RANBP10: variants seen among roughly 807,000 people sequenced by gnomAD.
RANBP10 encodes RAN binding protein 10.
Under a neutral mutation model 72.8 loss-of-function variants are expected in RANBP10, and 24 were observed. That is an observed-to-expected ratio of 0.33 (90% confidence interval 0.24 to 0.46). RANBP10 has a LOEUF of 0.46. Ranked by LOEUF, RANBP10 falls within the 20% of genes least tolerant of loss-of-function variation. The pLI, the probability that RANBP10 is intolerant of heterozygous loss-of-function variation, is 1.00. For synonymous variants in RANBP10, 310 were observed against 322.3 expected, an observed-to-expected ratio of 0.96 and a Z score of 0.41; for missense variants, 679 against 817.5, an observed-to-expected ratio of 0.83 and a Z score of 2.07.
chr16:67,794,942 AAAAC>A (rs2055100564), intron 2 of RANBP10, among the ~76,000 whole-genome samples: 3 of 149,006 alleles, frequency 2.0e-5, no homozygotes, highest in Non-Finnish European at 4.5e-5. Flanking sequence ...AAAAAAAAAA[AAAAC>A]AAAAAAAAAA....
rs199902788 is a variant in RANBP10 at position 67,727,904 on chromosome 16, C to T, written c.1475-8G>A. 25 of 1,613,694 alleles carry T rather than the reference C, an allele frequency of 1.5e-5. No individual in the cohort carries two copies. The highest frequency in any genetic ancestry group is 2.0e-5 in the Non-Finnish European group (24 of 1,179,996). On this transcript the variant is annotated splice_polypyrimidine_tract_variant and splice_region_variant and intron_variant, in intron 11 of 13. Coordinates refer to ENST00000317506, the MANE Select transcript of RANBP10 (RefSeq NM_020850.3). ...GCCGAGGATGCCTGTCATCTGCATCCAGAACCCAGTGGAGAACGTGTTAGG... is the reference window on the plus strand; with the variant it reads ...GCCGAGGATGCCTGTCATCTGCATCTAGAACCCAGTGGAGAACGTGTTAGG...
At chr16:67,797,828 A>T (rs2055160209) in intron 2 of RANBP10, among the ~76,000 whole-genome samples, 1 of 151,802 alleles carries the variant, frequency 6.6e-6, no homozygotes. Context: ...AAATTAAATA[A>T]ATAAAATAAA....
intron 2 of RANBP10, among the ~76,000 whole-genome samples, chr16:67,784,108 T>G (rs539392935): frequency 3.4e-5 from 5 of 148,818 alleles, no homozygotes; most frequent in African/African-American, 5.0e-5. Flanking sequence ...TAGATGAATA[T>G]AGATGCAAAA....
At chr16:67,740,100 T>G (rs2053938647) in intron 4 of RANBP10, among the ~76,000 whole-genome samples, 1 of 140,630 alleles carries the variant, frequency 7.1e-6, no homozygotes, top group African/African-American at 2.7e-5. Flanking sequence ...GGTTCACACT[T>G]TTTTTTTTTT....
chr16:67,737,875 C>T, intron 5 of RANBP10, 138 bp downstream of exon 5: 5 of 1,196,812 alleles, frequency 4.2e-6, no homozygotes, highest in Non-Finnish European at 6.0e-6. Context: ...TCCTGGTACC[C>T]TCAAGCTGAC....
At chr16:67,805,813 C>T (rs1455160973) in intron 1 of RANBP10, among the ~76,000 whole-genome samples, 4 of 152,334 alleles carry the variant, frequency 2.6e-5, no homozygotes, top group African/African-American at 9.6e-5. Context: ...CTGCTGGCAG[C>T]CTCTCTAGAA....
intron 3 of RANBP10, among the ~76,000 whole-genome samples, chr16:67,757,814 TA>T (rs2054316460): frequency 6.6e-6 from 1 of 152,142 alleles, no homozygotes; most frequent in Non-Finnish European, 1.5e-5. Flanking sequence ...AATGCAACCA[TA>T]AGGTGATGCC....
rs1395690215 is a variant in RANBP10 at position 67,725,164 on chromosome 16, T to C, written c.*1264A>G. ...TTCTCTGGCCAGCAAATACTCCCAA[T>C]AGTCTTTCCTAAGAGTGGCTAGGGC... On this transcript the variant is annotated 3_prime_UTR_variant, in exon 14 of 14. Transcript: ENST00000317506. 2 of 152,682 alleles carry C rather than the reference T, an allele frequency of 1.3e-5. No homozygotes were observed. Among genetic ancestry groups the C allele is most frequent in the African/African-American group, 2.4e-5 (1 of 41,456 alleles). The allele number at this position is 152,682 out of a possible 1,614,324, so 9.5% of individuals were successfully genotyped here.
chr16:67,743,849 CCTAT>C (rs1365651107), intron 4 of RANBP10, among the ~76,000 whole-genome samples: 4 of 152,198 alleles, frequency 2.6e-5, no homozygotes, highest in Admixed American at 2.6e-4. Flanking sequence ...GAGGTCTGGC[CCTAT>C]CTGACTCCCA....
At chr16:67,795,089 A>T (rs1306952831) in intron 2 of RANBP10, among the ~76,000 whole-genome samples, 1 of 148,818 alleles carries the variant, frequency 6.7e-6, no homozygotes, top group African/African-American at 2.5e-5. Context: ...TTTCTACTTA[A>T]AAAAAAAAAA....
intron 3 of RANBP10, among the ~76,000 whole-genome samples, chr16:67,748,227 C>T (rs28563117): frequency 0.29 from 44,666 of 151,488 alleles, 10,054 homozygotes; most frequent in African/African-American, 0.63. Flanking sequence ...CTTAACAATA[C>T]TAATTATTCT....
At chr16:67,742,791 A>G (rs1190955200) in intron 4 of RANBP10, among the ~76,000 whole-genome samples, 3 of 152,212 alleles carry the variant, frequency 2.0e-5, no homozygotes, top group Non-Finnish European at 4.4e-5. Context: ...AGAGCCCACA[A>G]TAGTGGCCCC....
At chr16:67,787,771 G>T (rs1433637375) in intron 2 of RANBP10, among the ~76,000 whole-genome samples, 4 of 152,176 alleles carry the variant, frequency 2.6e-5, no homozygotes, top group Admixed American at 2.6e-4. Context: ...GGAGGCTGAG[G>T]CAAGAGGATC....
chr16:67,729,277 C>T lies in RANBP10; in HGVS notation c.1352+3G>A, dbSNP rs2053671754. ...AGAGGAGGAAGCAGAGCAAGGCAGG[C>T]ACCTGGTCTCCTGGTTACTGGTACT... On this transcript the variant is annotated splice_donor_region_variant and intron_variant, in intron 10 of 13. Coordinates refer to ENST00000317506, the MANE Select transcript of RANBP10 (RefSeq NM_020850.3). This position sits in a 1 kb window ranked among gnomAD's most constrained non-coding sequence, Gnocchi z 7.1. 6.2e-7 allele frequency: 1 copy of T among 1,611,668 alleles called. No individual in the cohort carries two copies. Among genetic ancestry groups the T allele is most frequent in the Non-Finnish European group, 8.5e-7 (1 of 1,179,592 alleles).
chr16:67,730,209 C>T lies in RANBP10; in HGVS notation c.890-163G>A, dbSNP rs1016649872. ...CTGGAGAAAGAACCTGACTGCCCAG[C>T]CCAACAGATCCTGGTTTCTGCCAAG... is the stretch of plus-strand genomic sequence containing the variant. On this transcript the variant is annotated intron_variant, in intron 7 of 13. Transcript: ENST00000317506. This position sits in a 1 kb window ranked among gnomAD's most constrained non-coding sequence, Gnocchi z 4.3. 2.0e-5 allele frequency among the ~76,000 whole-genome samples: 3 copies of T among 152,148 alleles called. No homozygotes were observed. The highest frequency in any genetic ancestry group is 7.2e-5 in the African/African-American group (3 of 41,428).
At chr16:67,752,033 A>G (rs570214470) in intron 3 of RANBP10, among the ~76,000 whole-genome samples, 26 of 152,212 alleles carry the variant, frequency 1.7e-4, no homozygotes, top group Non-Finnish European at 2.9e-4. Context: ...GTTTGGCTAG[A>G]AAAGAGATAA....
intron 5 of RANBP10, among the ~76,000 whole-genome samples, chr16:67,737,187 C>CTTTTGTTTTTTTTTTTTTTTTT (rs1567678347): frequency 7.8e-6 from 1 of 128,378 alleles, no homozygotes; most frequent in Non-Finnish European, 1.6e-5. Context: ...AAACTCCATC[C>CTTTTGTTTTTTTTTTTTTTTTT]TTTTCTTTTT....
At position 67,776,385 on chromosome 16, in the gene RANBP10, C is replaced by A. The variant is rs529251931; in HGVS notation, c.348-4299G>T. 2.7e-4 allele frequency among the ~76,000 whole-genome samples: 40 copies of A among 147,458 alleles called. 1 individual carries two copies. The highest frequency in any genetic ancestry group is 9.0e-4 in the African/African-American group (36 of 40,008). On this transcript the variant is annotated intron_variant, in intron 2 of 13. Transcript: ENST00000317506. ...GGTGAGGCAGGAGAATCGCTTAAAC[C>A]TGGGAGACAGAGGTTGCTTTGAGCT...
chr16:67,751,413 C>T (rs2054193241), intron 3 of RANBP10, among the ~76,000 whole-genome samples: 1 of 152,180 alleles, frequency 6.6e-6, no homozygotes, highest in African/African-American at 2.4e-5. Context: ...CACTTGTGGC[C>T]AGGAGTTTGA....
Sources: allele counts gnomAD v4.1 joint callset (sites outside exome capture counted in the v4.1 genomes callset), GRCh38; gene constraint gnomAD v4.1.1; non-coding constraint Gnocchi (gnomAD v3.1); transcripts MANE v1.5; gene names NCBI Gene and HGNC (gene_info 2026-07-23, HGNC 2026-07-21).